Variants in KIAA0825 observed in about 807,000 individuals in gnomAD.
KIAA0825 encodes the protein KIAA0825.
In KIAA0825, 119 loss-of-function variants were observed where a neutral mutation model predicts 147.6. That is an observed-to-expected ratio of 0.81 (90% CI 0.69 to 0.94). The LOEUF (loss-of-function observed/expected upper bound fraction) is 0.94, where lower values mean the gene tolerates loss of function less well. KIAA0825 is among the 40% of genes least tolerant of loss of function. KIAA0825 has a pLI of 0.00. For missense variants in KIAA0825, 1,381 were observed against 1,472.7 expected, an observed-to-expected ratio of 0.94 and a Z score of 1.02; for synonymous variants, 470 against 518.1, an observed-to-expected ratio of 0.91 and a Z score of 1.26.
chr5:94,245,769 C>T (rs1775573714), intron 20 of KIAA0825, among the ~76,000 whole-genome samples: 3 of 152,076 alleles, frequency 2.0e-5, no homozygotes, highest in African/African-American at 4.8e-5. Context: ...GACAGTTCTA[C>T]CCTCATGGAA....
chr5:94,370,810 G>T lies in KIAA0825; in HGVS notation c.3710+13558C>A, dbSNP rs546883542. Among the ~76,000 whole-genome samples, 9 of 152,220 alleles carry T rather than the reference G, an allele frequency of 5.9e-5. No homozygotes were observed. In the East Asian group the frequency reaches 1.5e-3, roughly 26 times the overall value. On this transcript the variant is annotated intron_variant, in intron 20 of 20. Coordinates refer to ENST00000682413, the MANE Select transcript of KIAA0825 (RefSeq NM_001145678.3). Reference sequence around the variant, plus strand: ...TGTAGTCCCAGCTACTCGGGAGCCTGAGGCAGGAGAATGGCATGAAACCGG... The same window carrying T: ...TGTAGTCCCAGCTACTCGGGAGCCTTAGGCAGGAGAATGGCATGAAACCGG...
intron 15 of KIAA0825, among the ~76,000 whole-genome samples, chr5:94,412,152 T>C (rs1313286086): frequency 1.3e-5 from 2 of 152,160 alleles, no homozygotes; most frequent in African/African-American, 4.8e-5. Flanking sequence ...GACAAAAGTT[T>C]TGAATAGATA....
intron 20 of KIAA0825, among the ~76,000 whole-genome samples, chr5:94,243,549 C>T (rs1013213154): frequency 1.3e-5 from 2 of 152,228 alleles, no homozygotes; most frequent in African/African-American, 4.8e-5. Flanking sequence ...GCTGTCATTA[C>T]ACTAGAAGGG....
intron 1 of KIAA0825, among the ~76,000 whole-genome samples, chr5:94,613,582 C>T (rs1789526967): frequency 6.6e-6 from 1 of 152,204 alleles, no homozygotes; most frequent in South Asian, 2.1e-4. Flanking sequence ...AGGCCAGGTG[C>T]AGTACCTGTC....
chr5:94,301,227 T>C (rs1037743802), intron 20 of KIAA0825, among the ~76,000 whole-genome samples: 1 of 152,144 alleles, frequency 6.6e-6, no homozygotes, highest in Non-Finnish European at 1.5e-5. Context: ...TATGTGGACA[T>C]AAGTGGTAAC....
intron 1 of KIAA0825, among the ~76,000 whole-genome samples, chr5:94,607,017 T>C (rs965659837): frequency 6.6e-6 from 1 of 152,120 alleles, no homozygotes; most frequent in Non-Finnish European, 1.5e-5. Flanking sequence ...GCCACCATGA[T>C]CCAAACACCT....
intron 20 of KIAA0825, among the ~76,000 whole-genome samples, chr5:94,354,173 T>C (rs1251716107): frequency 6.6e-6 from 1 of 152,206 alleles, no homozygotes; most frequent in Non-Finnish European, 1.5e-5. Flanking sequence ...GATACTTTCC[T>C]ACCAAGAATT....
At chr5:94,605,939 AG>A (rs1340321262) in intron 1 of KIAA0825, among the ~76,000 whole-genome samples, 1 of 152,224 alleles carries the variant, frequency 6.6e-6, no homozygotes, top group South Asian at 2.1e-4. Flanking sequence ...AAAGAAATAA[AG>A]GGCTTCCAAA....
At chr5:94,303,356 T>C (rs956630654) in intron 20 of KIAA0825, among the ~76,000 whole-genome samples, 2 of 152,058 alleles carry the variant, frequency 1.3e-5, no homozygotes, top group Non-Finnish European at 2.9e-5. Flanking sequence ...TATATTACTA[T>C]ATTCAGTCAA....
rs181314676 is a variant in KIAA0825, at chr5:94,472,704, C to A, written c.1455+588G>T. Among the ~76,000 whole-genome samples the A allele has an allele frequency of 8.4e-3, 1,284 of 152,034 alleles. 14 individuals carry two copies. Among genetic ancestry groups the A allele is most frequent in the Non-Finnish European group, 0.011 (722 of 67,966 alleles). Reference sequence around the variant, plus strand: ...GCTTGCAGTGAGCCGAGATCGCGCCCCTGCACTCCAGCCTGGGCGACAGAG... The same window carrying A: ...GCTTGCAGTGAGCCGAGATCGCGCCACTGCACTCCAGCCTGGGCGACAGAG... On this transcript the variant is annotated intron_variant, in intron 8 of 20. Coordinates refer to ENST00000682413, the MANE Select transcript of KIAA0825 (RefSeq NM_001145678.3).
intron 8 of KIAA0825, 96 bp from the exon 9 acceptor site, chr5:94,471,827 G>T: frequency 8.9e-7 from 1 of 1,117,838 alleles, no homozygotes; most frequent in Non-Finnish European, 1.3e-6. Flanking sequence ...AATGAATTTG[G>T]CATCAAACAT....
At chr5:94,326,689 G>C (rs769052741) in intron 20 of KIAA0825, among the ~76,000 whole-genome samples, 1 of 152,166 alleles carries the variant, frequency 6.6e-6, no homozygotes, top group Non-Finnish European at 1.5e-5. Flanking sequence ...CCTTATGTAA[G>C]TGCCACATTT....
At chr5:94,451,892 T>C (rs1758461414) in intron 13 of KIAA0825, among the ~76,000 whole-genome samples, 1 of 152,198 alleles carries the variant, frequency 6.6e-6, no homozygotes, top group Non-Finnish European at 1.5e-5. Flanking sequence ...ACTCACACTG[T>C]AAGAGATCCA....
intron 20 of KIAA0825, among the ~76,000 whole-genome samples, chr5:94,251,868 AATCTGAT>A (rs1319189160): frequency 3.9e-5 from 6 of 152,066 alleles, no homozygotes; most frequent in South Asian, 2.1e-4. Flanking sequence ...TATACTTTAT[AATCTGAT>A]ATCTGATATG....
intron 20 of KIAA0825, among the ~76,000 whole-genome samples, chr5:94,336,743 G>C (rs1270745818): frequency 6.6e-6 from 1 of 152,116 alleles, no homozygotes; most frequent in African/African-American, 2.4e-5. Flanking sequence ...TGTCTTTATA[G>C]GAGAATGATT....
chr5:94,352,303 C>A (rs543004405), intron 20 of KIAA0825, among the ~76,000 whole-genome samples: 119 of 152,268 alleles, frequency 7.8e-4, no homozygotes, highest in African/African-American at 2.8e-3. Flanking sequence ...AAATGGCCAA[C>A]AAACATATGA....
At chr5:94,583,601 A>G (rs901832170) in intron 1 of KIAA0825, among the ~76,000 whole-genome samples, 12 of 152,172 alleles carry the variant, frequency 7.9e-5, no homozygotes, top group Non-Finnish European at 1.6e-4. Context: ...GGCAGGGCAT[A>G]TATGAACAAA....
At chr5:94,402,931 T>G (rs1163371964) in intron 16 of KIAA0825, among the ~76,000 whole-genome samples, 2 of 152,036 alleles carry the variant, frequency 1.3e-5, no homozygotes, top group African/African-American at 2.4e-5. Context: ...GGAGAAACTA[T>G]TTAAGAAGAG....
chr5:94,218,449 A>G (rs1387436828), intron 20 of KIAA0825, among the ~76,000 whole-genome samples: 3 of 152,192 alleles, frequency 2.0e-5, no homozygotes, highest in African/African-American at 7.2e-5. Flanking sequence ...TCCAATAACC[A>G]TGATAGTTCA....
Sources: gnomAD v4.1 joint callset for allele counts (sites outside exome capture counted in the v4.1 genomes callset) on GRCh38, gnomAD v4.1.1 for gene constraint, MANE v1.5 for transcripts, NCBI Gene and HGNC (gene_info 2026-07-23, HGNC 2026-07-21) for gene names.